Variants in MIGA1 observed in about 807,000 individuals in gnomAD.
MIGA1 encodes the protein family with sequence similarity 73, member A.
In MIGA1, 58 loss-of-function variants were observed where a neutral mutation model predicts 82.0. The ratio of observed to expected loss-of-function variants is 0.71; its 90% CI spans 0.57 to 0.88. The LOEUF is 0.88. Among genes scored for constraint, MIGA1 ranks in the 40% least tolerant of loss-of-function variants. The pLI is 0.00. For synonymous variants in MIGA1, 249 were observed against 253.6 expected, an observed-to-expected ratio of 0.98 and a Z score of 0.17; for missense variants, 751 against 749.1, an observed-to-expected ratio of 1.00 and a Z score of -0.03.
At chr1:77,788,573 C>T (rs1166588) in intron 2 of MIGA1, among the ~76,000 whole-genome samples, 36,863 of 151,868 alleles carry the variant, frequency 0.24, 4,637 homozygotes, top group South Asian at 0.35. Context: ...TTGCCAAATC[C>T]GATGTTGTGA....
intron 2 of MIGA1, among the ~76,000 whole-genome samples, chr1:77,795,065 G>C (rs1247538486): frequency 6.6e-6 from 1 of 151,024 alleles, no homozygotes; most frequent in East Asian, 2.0e-4. Context: ...CCGGGTTCAA[G>C]CAATTCTCCT....
chr1:77,866,340 T>C lies in MIGA1; in HGVS notation c.1512T>C (p.Ala504=), dbSNP rs1685667384. 1.2e-6 allele frequency: 2 copies of C among 1,613,908 alleles called. No homozygotes were observed. The highest frequency in any genetic ancestry group is 1.3e-5 in the African/African-American group (1 of 74,944). ...TTCTTTTCTCTGCATGTATTTAGGCTGTGGCTTCAAGTTGTTGGTCGGTGC... is the reference window on the plus strand; with the variant it reads ...TTCTTTTCTCTGCATGTATTTAGGCCGTGGCTTCAAGTTGTTGGTCGGTGC... Residue 504 remains alanine (A), a splice_region_variant and synonymous_variant, in exon 14 of 16, where the codon GCT becomes GCC. Coordinates refer to ENST00000370791, the MANE Select transcript of MIGA1 (RefSeq NM_198549.4).
At chr1:77,857,354 G>T (rs1455698535) in intron 8 of MIGA1, among the ~76,000 whole-genome samples, 1 of 149,274 alleles carries the variant, frequency 6.7e-6, no homozygotes, top group Admixed American at 6.7e-5. Context: ...TTTGTAACTT[G>T]TATTGTATTG....
At chr1:77,869,439 T>A (rs559639720) in intron 14 of MIGA1, among the ~76,000 whole-genome samples, 1 of 145,848 alleles carries the variant, frequency 6.9e-6, no homozygotes, top group African/African-American at 2.5e-5. Flanking sequence ...TCATGGCCCA[T>A]CCCCAATGAG....
rs1683330450 is a variant in MIGA1 at position 77,811,586 on chromosome 1, T to G, written c.638-2148T>G. ...CTTCGCAATTCCAAGCATGTTGCAA[T>G]TTTGCCTATGGTTTTCTTTTGTTCT... On this transcript the variant is annotated intron_variant, in intron 5 of 15. Transcript: ENST00000370791. 5.0e-6 allele frequency: 8 copies of G among 1,612,052 alleles called. No individual in the cohort carries two copies. The Admixed American group carries it at 1.3e-4, about 27-fold the overall frequency.
At chr1:77,847,097 A>C in intron 8 of MIGA1, 1 of 823,052 alleles carries the variant, frequency 1.2e-6, no homozygotes. Flanking sequence ...TTCAGTAGAT[A>C]TGGGAACAAG....
chr1:77,869,743 C>T (rs1279654792), intron 14 of MIGA1, among the ~76,000 whole-genome samples: 1 of 114,434 alleles, frequency 8.7e-6, no homozygotes, highest in Non-Finnish European at 1.8e-5. Context: ...GGCCGACCCC[C>T]CCCCCGCCTG....
chr1:77,875,075 AATC>A lies in MIGA1; in HGVS notation c.*14_*16del, dbSNP rs146305177. On this transcript the variant is annotated 3_prime_UTR_variant, in exon 16 of 16. Coordinates refer to ENST00000370791, the MANE Select transcript of MIGA1 (RefSeq NM_198549.4). ...GCCAAAGTACAATAAGTACCATAAG[AATC>A]ATACAATTTGAGTGTGCTATGAAAT... 0.02 allele frequency: 31,591 copies of A among 1,582,764 alleles called. 376 individuals carry two copies. The highest frequency in any genetic ancestry group is 0.022 in the Non-Finnish European group (25,626 of 1,152,834).
At chr1:77,825,871 C>A (rs1048658665) in intron 7 of MIGA1, among the ~76,000 whole-genome samples, 1 of 152,002 alleles carries the variant, frequency 6.6e-6, no homozygotes, top group Non-Finnish European at 1.5e-5. Context: ...GGGTTCAAAT[C>A]CTGGCTCTAC....
chr1:77,845,964 T>A (rs1014826065), intron 8 of MIGA1, among the ~76,000 whole-genome samples: 3 of 151,534 alleles, frequency 2.0e-5, no homozygotes, highest in Admixed American at 6.6e-5. Context: ...TTTTTTTTTT[T>A]AAATATAGCT....
At chr1:77,795,241 A>G (rs887239026) in intron 2 of MIGA1, among the ~76,000 whole-genome samples, 1 of 152,150 alleles carries the variant, frequency 6.6e-6, no homozygotes, top group Non-Finnish European at 1.5e-5. Context: ...TGGGATTTAC[A>G]GGTGTGAGCC....
chr1:77,788,143 T>C (rs1010666601), intron 2 of MIGA1, among the ~76,000 whole-genome samples: 1 of 152,196 alleles, frequency 6.6e-6, no homozygotes, highest in Non-Finnish European at 1.5e-5. Flanking sequence ...GCTGGGATTA[T>C]AGGCATGTGC....
chr1:77,797,136 T>C (rs1682689680), intron 2 of MIGA1, among the ~76,000 whole-genome samples: 1 of 152,242 alleles, frequency 6.6e-6, no homozygotes, highest in Non-Finnish European at 1.5e-5. Flanking sequence ...TTTGTCCTTT[T>C]TTGTTGATGA....
At chr1:77,865,427 T>TA (rs1195559929) in intron 13 of MIGA1, among the ~76,000 whole-genome samples, 6 of 151,860 alleles carry the variant, frequency 4.0e-5, no homozygotes, top group African/African-American at 1.2e-4. Context: ...CTCGTCTCTA[T>TA]AAAAAAAATA....
At chr1:77,782,323 T>C (rs1263459850) in intron 1 of MIGA1, among the ~76,000 whole-genome samples, 2 of 152,222 alleles carry the variant, frequency 1.3e-5, no homozygotes, top group Non-Finnish European at 2.9e-5. Flanking sequence ...AATGAAATAT[T>C]CCTCAGGACT....
chr1:77,843,272 A>G (rs1199442408), intron 7 of MIGA1, 35 bp from the exon 8 acceptor site: 1 of 1,421,284 alleles, frequency 7.0e-7, no homozygotes, highest in Non-Finnish European at 9.9e-7. Flanking sequence ...GATGTGGAAT[A>G]TCACTTTCTG....
At chr1:77,845,831 A>G (rs778462849) in intron 8 of MIGA1, among the ~76,000 whole-genome samples, 3 of 152,212 alleles carry the variant, frequency 2.0e-5, no homozygotes, top group Non-Finnish European at 2.9e-5. Flanking sequence ...AGTTAGATTA[A>G]AACAATTTCT....
At chr1:77,873,936 A>G (rs1192027074) in intron 15 of MIGA1, among the ~76,000 whole-genome samples, 1 of 152,158 alleles carries the variant, frequency 6.6e-6, no homozygotes, top group African/African-American at 2.4e-5. Context: ...GGGGTTGGGA[A>G]TTAAGTCTGT....
intron 7 of MIGA1, among the ~76,000 whole-genome samples, chr1:77,831,055 T>C (rs1448152452): frequency 6.6e-6 from 1 of 152,202 alleles, no homozygotes; most frequent in Non-Finnish European, 1.5e-5. Context: ...AAGTCGAAGA[T>C]CCTTCTTTAA....
Sources: gnomAD v4.1 joint callset for allele counts (sites outside exome capture counted in the v4.1 genomes callset) on GRCh38, gnomAD v4.1.1 for gene constraint, MANE v1.5 for transcripts, NCBI Gene and HGNC (gene_info 2026-07-23, HGNC 2026-07-21) for gene names.